The following PKD2 variants were observed in gnomAD, a reference collection of about 807,000 sequenced individuals.
PKD2 encodes polycystin-2.
PKD2 carries 48 observed loss-of-function variants against 105.9 expected under a neutral mutation model. The observed-to-expected ratio is 0.45, with a 90% CI of 0.36 to 0.58. The LOEUF (loss-of-function observed/expected upper bound fraction) is 0.58. Among genes scored for constraint, PKD2 ranks in the 20% least tolerant of loss-of-function variants. The pLI, the probability that PKD2 is intolerant of heterozygous loss-of-function variation, is 0.00. For missense variants in PKD2, 1,078 were observed against 1,255.3 expected (o/e 0.86, Z 2.13); for synonymous variants, 464 against 481.1 (o/e 0.96, Z 0.46).
Position 88,007,975 on chromosome 4 carries a change from C to G in PKD2, c.242C>G (p.Ser81Trp). 1 of 1,505,012 alleles carries G rather than the reference C, an allele frequency of 6.6e-7. No homozygotes were observed. The highest frequency in any genetic ancestry group is 8.8e-7 in the Non-Finnish European group (1 of 1,130,768). 93.2% of individuals were successfully genotyped at this position (1,505,012 alleles called of 1,614,324 possible). Residue 81 changes from serine to tryptophan, a missense_variant, in exon 1 of 15, where the codon TCG becomes TGG. Coordinates refer to ENST00000237596, the MANE Select transcript of PKD2 (RefSeq NM_000297.4). ...GCCTCCCCTTCTCCTCCGCTCTCGT[C>G]GTGCTCCCGGCAGGCGTGGAGCCGC... ...AAASPSPPLS[S>W]CSRQAWSRDN...
At chr4:88,029,183 T>A (rs1445218302) in intron 2 of PKD2, among the ~76,000 whole-genome samples, 1 of 152,190 alleles carries the variant, frequency 6.6e-6, no homozygotes, top group African/African-American at 2.4e-5. Flanking sequence ...AGGACTTCCC[T>A]CTTTGTCTTT....
chr4:88,076,651 T>A lies in PKD2; in HGVS notation c.*957T>A, dbSNP rs143594425. On this transcript the variant is annotated 3_prime_UTR_variant, in exon 15 of 15. Transcript: ENST00000237596. ...CATTTTAAGCAAAATTTTAAGAAAGTTTTGAAATTCATAAAGCATTTGGTT... is the reference window on the plus strand; with the variant it reads ...CATTTTAAGCAAAATTTTAAGAAAGATTTGAAATTCATAAAGCATTTGGTT... 137 of 152,272 alleles carry A rather than the reference T, an allele frequency of 9.0e-4. 2 individuals are homozygous for A. Among genetic ancestry groups the A allele is most frequent in the African/African-American group, 3.2e-3 (131 of 41,552 alleles). 9.4% of individuals were successfully genotyped at this position (152,272 alleles called of 1,614,324 possible).
At chr4:88,044,209 A>G (rs1418548411) in intron 5 of PKD2, among the ~76,000 whole-genome samples, 1 of 152,190 alleles carries the variant, frequency 6.6e-6, no homozygotes, top group Non-Finnish European at 1.5e-5. Context: ...TAAACAATAC[A>G]AATAAATAGT....
At chr4:88,027,183 T>C (rs1222969662) in intron 2 of PKD2, among the ~76,000 whole-genome samples, 1 of 152,326 alleles carries the variant, frequency 6.6e-6, no homozygotes, top group East Asian at 1.9e-4. Flanking sequence ...CAGATTGCAC[T>C]CTGCGCTTAG....
chr4:88,033,441 A>G (rs1408755472), intron 2 of PKD2, among the ~76,000 whole-genome samples: 1 of 152,000 alleles, frequency 6.6e-6, no homozygotes, highest in Non-Finnish European at 1.5e-5. Flanking sequence ...AAAAAAAAAA[A>G]AAGTTACAAT....
intron 7 of PKD2, among the ~76,000 whole-genome samples, 180 bp downstream of exon 7, chr4:88,052,338 A>C (rs1720141656): frequency 6.6e-6 from 1 of 152,154 alleles, no homozygotes; most frequent in Non-Finnish European, 1.5e-5. Flanking sequence ...GTATGATTAC[A>C]GCTCATTGCA....
chr4:88,073,892 A>G (rs1721131425), intron 13 of PKD2, among the ~76,000 whole-genome samples: 1 of 152,154 alleles, frequency 6.6e-6, no homozygotes, highest in Admixed American at 6.5e-5. Context: ...TCTTGCCACC[A>G]TTGCAGAGGT....
intron 2 of PKD2, among the ~76,000 whole-genome samples, chr4:88,032,217 T>A (rs1203103846): frequency 6.6e-6 from 1 of 152,220 alleles, no homozygotes; most frequent in East Asian, 1.9e-4. Flanking sequence ...TCCTAGTGAT[T>A]TGAAATTTAT....
chr4:88,077,526 CT>C lies in PKD2; in HGVS notation c.*1837del, dbSNP rs1721274727. On this transcript the variant is annotated 3_prime_UTR_variant, in exon 15 of 15. Coordinates refer to ENST00000237596, the MANE Select transcript of PKD2 (RefSeq NM_000297.4). ...GTCACTAGAAAGTCTCTTTATGATA[CT>C]TTTTATTGTACTGTTTTTCATTTCA... 1 of 152,578 alleles carries C rather than the reference CT, an allele frequency of 6.6e-6. No homozygotes were observed. The highest frequency in any genetic ancestry group is 1.5e-5 in the Non-Finnish European group (1 of 68,040). The allele number at this position is 152,578 out of a possible 1,614,324, so 9.5% of individuals were successfully genotyped here. A position where few individuals can be genotyped will look rare whatever the true frequency, so the allele number is the denominator to read the frequency against.
chr4:88,030,027 T>A (rs1727089996), intron 2 of PKD2, among the ~76,000 whole-genome samples: 2 of 152,182 alleles, frequency 1.3e-5, no homozygotes, highest in South Asian at 2.1e-4. Context: ...CTTTAAGTTT[T>A]AAGAGGCCTC....
intron 13 of PKD2, among the ~76,000 whole-genome samples, chr4:88,072,303 G>C (rs1467808034): frequency 6.6e-6 from 1 of 151,992 alleles, no homozygotes; most frequent in Non-Finnish European, 1.5e-5. Flanking sequence ...GTCTTTAACT[G>C]TCTTCTTAGC....
chr4:88,052,221 A>C (rs377348948), intron 7 of PKD2, 63 bp downstream of exon 7: 25 of 1,051,706 alleles, frequency 2.4e-5, no homozygotes, highest in Middle Eastern at 5.7e-4. Flanking sequence ...AATGAGTTCC[A>C]CAAAATCATG....
chr4:88,008,222 G>A lies in PKD2; in HGVS notation c.489G>A (p.Pro163=). The change falls in exon 1 of 15, where the codon CCG becomes CCA. Residue 163 remains proline (P), a synonymous_variant. Transcript: ENST00000237596. ...GCCGGCGAGAGGACCAGGGCCCGCC[G>A]TGCCCCAGCCCAGTCGGCGGCGGGG... is the stretch of plus-strand genomic sequence containing the variant. ...RRRRREDQGP[P]CPSPVGGGDP... The A allele has an allele frequency of 1.4e-6, 2 of 1,411,304 alleles. No homozygotes were observed. The highest frequency in any genetic ancestry group is 1.8e-6 in the Non-Finnish European group (2 of 1,087,724). 87.4% of individuals were successfully genotyped at this position (1,411,304 alleles called of 1,614,324 possible).
In PKD2 at chr4:88,043,141, AC is replaced by A. The variant is rs1163212864; in HGVS notation, c.1095-91del. 15 of 823,484 alleles carry A rather than the reference AC, an allele frequency of 1.8e-5. No homozygotes were observed. In the Admixed American group the frequency reaches 1.9e-4, roughly 11 times the overall value. The allele number at this position is 823,484 out of a possible 1,614,324, so 51.0% of individuals were successfully genotyped here. ...CCCAGCTTGATAGGCCTTAATACAT[AC>A]TTTATTTTACAAGGAACCAGCTGTC... On this transcript the variant is annotated intron_variant, in intron 4 of 14. Coordinates refer to ENST00000237596, the MANE Select transcript of PKD2 (RefSeq NM_000297.4).
intron 4 of PKD2, among the ~76,000 whole-genome samples, chr4:88,039,979 T>C (rs1388676691): frequency 6.6e-6 from 1 of 152,146 alleles, no homozygotes; most frequent in African/African-American, 2.4e-5. Flanking sequence ...TGGTACCCTT[T>C]CCAATATTTT....
chr4:88,069,480 A>G (rs1421905672), intron 13 of PKD2, among the ~76,000 whole-genome samples: 1 of 151,978 alleles, frequency 6.6e-6, no homozygotes, highest in Non-Finnish European at 1.5e-5. Flanking sequence ...TTATACAATT[A>G]AGTTATGAAA....
chr4:88,026,628 C>T (rs563538327), intron 2 of PKD2, among the ~76,000 whole-genome samples: 15 of 152,278 alleles, frequency 9.9e-5, no homozygotes, highest in South Asian at 2.1e-4. Context: ...GCATAAGTAA[C>T]GAGGAGCTGA....
intron 13 of PKD2, among the ~76,000 whole-genome samples, chr4:88,074,410 T>A (rs74777465): frequency 0.016 from 2,440 of 152,278 alleles, 75 homozygotes; most frequent in African/African-American, 0.055. Context: ...AATGCCAGGA[T>A]TACAGGCGTG....
intron 2 of PKD2, among the ~76,000 whole-genome samples, chr4:88,029,228 G>A (rs56233332): frequency 0.049 from 7,477 of 152,260 alleles, 322 homozygotes; most frequent in African/African-American, 0.12. Flanking sequence ...CCTCCTTGCT[G>A]TGTTCACTTG....
Sources: allele counts gnomAD v4.1 joint callset (sites outside exome capture counted in the v4.1 genomes callset), GRCh38; gene constraint gnomAD v4.1.1; transcripts MANE v1.5; gene names NCBI Gene and HGNC (gene_info 2026-07-23, HGNC 2026-07-21).